KCNH6: variants seen among roughly 807,000 people sequenced by gnomAD.
KCNH6 encodes voltage-gated inwardly rectifying potassium channel KCNH6.
KCNH6 carries 81 observed loss-of-function variants against 83.4 expected under a neutral mutation model. The ratio of observed to expected loss-of-function variants is 0.97; its 90% CI spans 0.81 to 1.17. The LOEUF (loss-of-function observed/expected upper bound fraction) is 1.17, where lower values mean the gene tolerates loss of function less well. Among genes scored for constraint, KCNH6 ranks in the 50% most tolerant of loss-of-function variants. The pLI, the probability that KCNH6 is intolerant of heterozygous loss-of-function variation, is 0.00. For synonymous variants in KCNH6, 503 were observed against 545.6 expected, an observed-to-expected ratio of 0.92 and a Z score of 1.09; for missense variants, 1,203 against 1,290.5, an observed-to-expected ratio of 0.93 and a Z score of 1.04.
chr17:63,532,049 TG>T (rs1449114569), intron 4 of KCNH6, among the ~76,000 whole-genome samples: 1 of 152,180 alleles, frequency 6.6e-6, no homozygotes. Context: ...CTTGCAGCTC[TG>T]GGGGACACTG....
downstream of KCNH6, among the ~76,000 whole-genome samples, chr17:63,547,812 G>A (rs1013627939): frequency 6.6e-6 from 1 of 151,952 alleles, no homozygotes; most frequent in African/African-American, 2.4e-5. Context: ...AATTAGCCAA[G>A]CATTGTGATG....
chr17:63,540,915 G>A (rs2032820927), intron 8 of KCNH6, among the ~76,000 whole-genome samples: 1 of 152,138 alleles, frequency 6.6e-6, no homozygotes, highest in South Asian at 2.1e-4. Context: ...TCTCATGGGG[G>A]CTGGTCCTTG....
chr17:63,531,992 G>A (rs999776039), intron 4 of KCNH6, among the ~76,000 whole-genome samples: 1 of 152,220 alleles, frequency 6.6e-6, no homozygotes, highest in Non-Finnish European at 1.5e-5. Context: ...AACTTAAAGA[G>A]CCTCGATGGC....
At chr17:63,540,852 G>T (rs1378262851) in intron 8 of KCNH6, among the ~76,000 whole-genome samples, 14 of 152,226 alleles carry the variant, frequency 9.2e-5, no homozygotes, top group Admixed American at 9.2e-4. Context: ...CCACCCCTGA[G>T]CCCTGACAGT....
chr17:63,531,208 C>T (rs2032085509), intron 4 of KCNH6, among the ~76,000 whole-genome samples: 1 of 152,230 alleles, frequency 6.6e-6, no homozygotes, highest in Non-Finnish European at 1.5e-5. Flanking sequence ...GAAGCCCTGA[C>T]CATTCCAGAG....
chr17:63,532,439 C>T (rs1282287589), intron 4 of KCNH6, among the ~76,000 whole-genome samples: 1 of 152,218 alleles, frequency 6.6e-6, no homozygotes, highest in African/African-American at 2.4e-5. Context: ...GAGCCAAACT[C>T]AGTGAGCCCA....
chr17:63,523,391 C>A lies in KCNH6; in HGVS notation c.-23C>A. 1 of 1,576,882 alleles carries A rather than the reference C, an allele frequency of 6.3e-7. No individual in the cohort carries two copies. On this transcript the variant is annotated 5_prime_UTR_variant, in exon 1 of 13. Transcript: ENST00000314672. This position sits in a 1 kb window ranked among gnomAD's most constrained non-coding sequence, Gnocchi z 4.2. ...CGGGAGCCAGTGGCGCCTGTGGCTC[C>A]GGGCAGGGGCCGCGGCCGAAAGATG...
intron 8 of KCNH6, among the ~76,000 whole-genome samples, chr17:63,541,320 G>A (rs895571927): frequency 3.1e-5 from 4 of 129,822 alleles, no homozygotes; most frequent in South Asian, 2.4e-4. Flanking sequence ...ATGGAGTCTC[G>A]CTCTGTCACC....
Position 63,524,228 on chromosome 17 carries a change from C to G in KCNH6, c.166C>G (p.Arg56Gly), listed in dbSNP as rs536235388. 25 of 1,614,050 alleles carry G rather than the reference C, an allele frequency of 1.5e-5. No homozygotes were observed. Among genetic ancestry groups the G allele is most frequent in the African/African-American group, 4.0e-5 (3 of 74,940 alleles). ...DGFCELFGYSRVEVMQQPCTC... is the reference protein window; with the variant it reads ...DGFCELFGYSGVEVMQQPCTC... The stretch of plus-strand genomic sequence containing the variant: ...CTTCTGCGAACTCTTCGGCTACTCC[C>G]GAGTGGAGGTGATGCAGCAACCCTG... Residue 56 changes from arginine (R) to glycine (G), a missense_variant, in exon 2 of 13, where the codon CGA (arginine) becomes GGA (glycine). By Grantham distance (125) the Arg-to-Gly change is moderately radical. Transcript: ENST00000314672.
At chr17:63,539,789 C>T (rs994230163) in intron 8 of KCNH6, among the ~76,000 whole-genome samples, 2 of 152,168 alleles carry the variant, frequency 1.3e-5, no homozygotes, top group Non-Finnish European at 2.9e-5. Context: ...TTTCCCATGG[C>T]CCTGCGTCTG....
Position 63,534,163 on chromosome 17 carries a change from A to G in KCNH6, c.953A>G (p.Asn318Ser), listed in dbSNP as rs1463052282. 6.2e-7 allele frequency: 1 copy of G among 1,613,332 alleles called. No homozygotes were observed. The highest frequency in any genetic ancestry group is 2.2e-5 in the East Asian group (1 of 44,832). ...ATGTTCGTCGTGGACATCGTCATCA[A>G]CTTCCGCACCACCTATGTCAACACC... Reference protein sequence around the residue: ...DIMFVVDIVINFRTTYVNTND... With the variant: ...DIMFVVDIVISFRTTYVNTND... Residue 318 changes from asparagine to serine, a missense_variant, in exon 5 of 13, where the codon AAC (asparagine) becomes AGC (serine). Physicochemically the swap from Asn to Ser is conservative, Grantham distance 46. Transcript: ENST00000314672. The surrounding 1 kb of genome is among the most constrained non-coding windows in gnomAD (Gnocchi z 5.0).
chr17:63,539,638 G>A (rs1460877680), intron 8 of KCNH6, among the ~76,000 whole-genome samples: 1 of 152,162 alleles, frequency 6.6e-6, no homozygotes, highest in Non-Finnish European at 1.5e-5. Flanking sequence ...GCCACAGTCT[G>A]CCAAGGGGGC....
chr17:63,543,674 G>T lies in KCNH6; in HGVS notation c.2233+14G>T. The T allele has an allele frequency of 6.4e-7, 1 of 1,557,728 alleles. No homozygotes were observed. The highest frequency in any genetic ancestry group is 8.9e-7 in the Non-Finnish European group (1 of 1,129,846). ...ACAACCAGTCAGGTGAGCAAAGCCA[G>T]CCCCCACCCCCACCAGCCTGTAGCC... On this transcript the variant is annotated intron_variant, in intron 10 of 12. Transcript: ENST00000314672.
rs1021824331 is a variant in KCNH6, at chr17:63,523,653, G to A, written c.76+164G>A. Among the ~76,000 whole-genome samples, 2 of 152,012 alleles carry A rather than the reference G, an allele frequency of 1.3e-5. No homozygotes were observed. Among genetic ancestry groups the A allele is most frequent in the Non-Finnish European group, 2.9e-5 (2 of 68,004 alleles). The stretch of plus-strand genomic sequence containing the variant: ...TCCCCAACACCTTCTCCTCCAGGGG[G>A]ACCCGCTTGCCTTAAATGCTGTCCT... On this transcript the variant is annotated intron_variant, in intron 1 of 12. Transcript: ENST00000314672. This position sits in a 1 kb window ranked among gnomAD's most constrained non-coding sequence, Gnocchi z 4.2.
rs747299821 is a variant in KCNH6, at chr17:63,544,382, G to T, written c.2367G>T (p.Arg789Ser). ...PDCWPLKLGS[R>S]LEQLQAQMNR... ...GCTGGCCTCTGAAGCTGGGCTCCAG[G>T]CTAGAGCAGCTCCAGGCCCAGATGA... The change falls in exon 11 of 13, where the codon AGG (arginine) becomes AGT (serine). Residue 789 changes from arginine (R) to serine (S), a missense_variant. Transcript: ENST00000314672. 4 of 1,599,914 alleles carry T rather than the reference G, an allele frequency of 2.5e-6. No individual in the cohort carries two copies. The highest frequency in any genetic ancestry group is 3.4e-6 in the Non-Finnish European group (4 of 1,173,594).
At chr17:63,529,192 C>T (rs933614237) in intron 2 of KCNH6, among the ~76,000 whole-genome samples, 10 of 152,214 alleles carry the variant, frequency 6.6e-5, no homozygotes, top group Non-Finnish European at 1.5e-4. Context: ...TGCAGCCAGA[C>T]CCTGGAGGGG....
At chr17:63,545,358 C>T in intron 12 of KCNH6, 94 bp downstream of exon 12, 1 of 1,309,564 alleles carries the variant, frequency 7.6e-7, no homozygotes, top group Non-Finnish European at 1.1e-6. Flanking sequence ...AGGCCCAGAG[C>T]CTCTGTGGCC....
chr17:63,535,630 G>T lies in KCNH6; in HGVS notation c.1102-39G>T. ...CAGGCCTGACTGCACCCTTCCAAGG[G>T]CTGACCCCAGCCCTGTGACCATTTC... On this transcript the variant is annotated intron_variant, in intron 5 of 12. Transcript: ENST00000314672. This position sits in a 1 kb window ranked among gnomAD's most constrained non-coding sequence, Gnocchi z 4.9. The T allele has an allele frequency of 1.3e-6, 2 of 1,558,572 alleles. No individual in the cohort carries two copies. Among genetic ancestry groups the T allele is most frequent in the Non-Finnish European group, 1.7e-6 (2 of 1,148,592 alleles).
chr17:63,523,787 A>T lies in KCNH6; in HGVS notation c.76+298A>T, dbSNP rs572187118. ...CCTTCCAGCCACTGCCTGCCCCCTC[A>T]TCCGCGTCCTCCAGAGGCTTCTCTG... On this transcript the variant is annotated intron_variant, in intron 1 of 12. Transcript: ENST00000314672. The surrounding 1 kb of genome is among the most constrained non-coding windows in gnomAD (Gnocchi z 4.2). Among the ~76,000 whole-genome samples, 62 of 151,490 alleles carry T rather than the reference A, an allele frequency of 4.1e-4. No individual in the cohort carries two copies. The highest frequency in any genetic ancestry group is 1.4e-3 in the Admixed American group (22 of 15,228).
Sources: allele counts gnomAD v4.1 joint callset (sites outside exome capture counted in the v4.1 genomes callset), GRCh38; gene constraint gnomAD v4.1.1; non-coding constraint Gnocchi (gnomAD v3.1); transcripts MANE v1.5; gene names NCBI Gene and HGNC (gene_info 2026-07-23, HGNC 2026-07-21).